NSUN6: variants seen among roughly 807,000 people sequenced by gnomAD.
NSUN6 encodes NOP2/Sun RNA methyltransferase 6.
Under a neutral mutation model 58.0 loss-of-function variants are expected in NSUN6, and 64 were observed. The observed-to-expected ratio is 1.10, with a 90% CI of 0.90 to 1.36. The LOEUF (loss-of-function observed/expected upper bound fraction) is 1.36. Among genes scored for constraint, NSUN6 ranks in the 40% most tolerant of loss-of-function variants. The pLI is 0.00. For missense variants in NSUN6, 701 were observed against 550.1 expected, an observed-to-expected ratio of 1.27 and a Z score of -2.74; for synonymous variants, 231 against 193.9, an observed-to-expected ratio of 1.19 and a Z score of -1.59.
intron 9 of NSUN6, among the ~76,000 whole-genome samples, chr10:18,551,293 G>GTGTGTGTGTGTGTGT (rs1554848038): frequency 3.7e-5 from 2 of 54,008 alleles, no homozygotes; most frequent in African/African-American, 7.7e-5. Context: ...TGTGTGTGTG[G>GTGTGTGTGTGTGTGT]TAAAATATAA....
intron 6 of NSUN6, among the ~76,000 whole-genome samples, chr10:18,597,141 C>A (rs1358219938): frequency 1.3e-5 from 2 of 152,088 alleles, no homozygotes; most frequent in Non-Finnish European, 2.9e-5. Flanking sequence ...GTTATACAAC[C>A]AAAACATACC....
chr10:18,585,753 T>C (rs575325023), intron 8 of NSUN6, among the ~76,000 whole-genome samples, 196 bp downstream of exon 8: 1 of 151,854 alleles, frequency 6.6e-6, no homozygotes, highest in Admixed American at 6.6e-5. Flanking sequence ...ACTATACTAA[T>C]GTATTTTGTG....
At chr10:18,560,240 C>G (rs1179281706) in intron 8 of NSUN6, among the ~76,000 whole-genome samples, 1 of 142,188 alleles carries the variant, frequency 7.0e-6, no homozygotes, top group African/African-American at 2.6e-5. Flanking sequence ...CGGAGAATGG[C>G]AGAGAATGGA....
At chr10:18,594,052 T>C (rs2057483031) in intron 7 of NSUN6, among the ~76,000 whole-genome samples, 1 of 151,512 alleles carries the variant, frequency 6.6e-6, no homozygotes, top group African/African-American at 2.4e-5. Flanking sequence ...ATACAAAAAT[T>C]ATTCGGGTGT....
intron 8 of NSUN6, among the ~76,000 whole-genome samples, chr10:18,554,752 G>T: frequency 6.6e-6 from 1 of 151,414 alleles, no homozygotes; most frequent in East Asian, 2.0e-4. Context: ...ATGGAATGGA[G>T]AATGGAATGT....
chr10:18,600,974 A>ATATT (rs1554870051), intron 6 of NSUN6, among the ~76,000 whole-genome samples: 3 of 98,494 alleles, frequency 3.0e-5, no homozygotes, highest in East Asian at 3.1e-4. Context: ...ATATATATAT[A>ATATT]TATGTATATA....
chr10:18,642,746 G>A (rs2059426049), intron 2 of NSUN6, among the ~76,000 whole-genome samples, 191 bp from the exon 3 acceptor site: 2 of 152,070 alleles, frequency 1.3e-5, no homozygotes, highest in Admixed American at 1.3e-4. Context: ...TTTTAATTCT[G>A]AAGTATCCTA....
chr10:18,637,174 G>T (rs1313002222), intron 3 of NSUN6, among the ~76,000 whole-genome samples: 1 of 151,976 alleles, frequency 6.6e-6, no homozygotes, highest in Admixed American at 6.6e-5. Context: ...TGTTGCTCAG[G>T]CTGGTCTAAA....
intron 4 of NSUN6, among the ~76,000 whole-genome samples, chr10:18,615,413 C>G (rs546055933): frequency 2.6e-5 from 4 of 152,302 alleles, no homozygotes; most frequent in South Asian, 2.1e-4. Context: ...TCATGTAGAT[C>G]AGATGTCAAC....
chr10:18,563,485 T>A (rs2055694764), intron 8 of NSUN6, among the ~76,000 whole-genome samples: 1 of 150,914 alleles, frequency 6.6e-6, no homozygotes, highest in African/African-American at 2.4e-5. Flanking sequence ...GAATGGAGAA[T>A]GGAATAGAAT....
At chr10:18,599,823 C>T (rs1321076048) in intron 6 of NSUN6, among the ~76,000 whole-genome samples, 1 of 152,084 alleles carries the variant, frequency 6.6e-6, no homozygotes, top group Non-Finnish European at 1.5e-5. Context: ...TCCAGTGAAC[C>T]AAGAATATAA....
chr10:18,553,039 C>CT (rs1263390446), intron 8 of NSUN6, among the ~76,000 whole-genome samples: 9 of 150,532 alleles, frequency 6.0e-5, no homozygotes, highest in African/African-American at 2.0e-4. Context: ...CCATTCCCTT[C>CT]TCCATTCCAT....
chr10:18,568,971 C>T (rs1346488273), intron 8 of NSUN6, among the ~76,000 whole-genome samples: 1 of 151,204 alleles, frequency 6.6e-6, no homozygotes, highest in African/African-American at 2.4e-5. Context: ...CATTCTATTC[C>T]ATTCTCCATT....
rs574519078 is a variant in NSUN6, at chr10:18,610,361, C to T, written c.576-435G>A. On this transcript the variant is annotated intron_variant, in intron 5 of 10. Coordinates refer to ENST00000377304, the MANE Select transcript of NSUN6 (RefSeq NM_182543.5). ...GAAACTCCGTCTCAAAAAAAAAGAA[C>T]TCTTTTTATTAAACAACAAAATACA... Among the ~76,000 whole-genome samples, 7 of 152,242 alleles carry T rather than the reference C, an allele frequency of 4.6e-5. No homozygotes were observed. In the South Asian group the frequency reaches 1.5e-3, roughly 32 times the overall value.
chr10:18,625,973 C>T (rs1398441898), intron 3 of NSUN6, among the ~76,000 whole-genome samples: 1 of 151,826 alleles, frequency 6.6e-6, no homozygotes, highest in Non-Finnish European at 1.5e-5. Flanking sequence ...CCTGAAACGA[C>T]CAGACTCAGC....
intron 3 of NSUN6, among the ~76,000 whole-genome samples, chr10:18,623,613 G>T (rs983818314): frequency 1.3e-5 from 2 of 152,186 alleles, no homozygotes; most frequent in African/African-American, 2.4e-5. Flanking sequence ...GGAGACAAGT[G>T]TGAAAGAAGA....
At chr10:18,607,513 T>C (rs998171748) in intron 6 of NSUN6, among the ~76,000 whole-genome samples, 1 of 152,208 alleles carries the variant, frequency 6.6e-6, no homozygotes, top group African/African-American at 2.4e-5. Flanking sequence ...AAGGAAGTTA[T>C]AACACAAAAA....
At chr10:18,575,671 C>A (rs1367964403) in intron 8 of NSUN6, among the ~76,000 whole-genome samples, 1 of 152,104 alleles carries the variant, frequency 6.6e-6, no homozygotes, top group African/African-American at 2.4e-5. Flanking sequence ...CTTAGAGACT[C>A]GATTGCCATG....
chr10:18,656,816 CTTTTTTTT>C (rs59363607), upstream of NSUN6, among the ~76,000 whole-genome samples: 4 of 86,602 alleles, frequency 4.6e-5, no homozygotes, highest in Non-Finnish European at 4.2e-5. Flanking sequence ...AGTTACAATC[CTTTTTTTT>C]TTTTTTTTTT....
Sources: gnomAD v4.1 joint callset for allele counts (sites outside exome capture counted in the v4.1 genomes callset) on GRCh38, gnomAD v4.1.1 for gene constraint, MANE v1.5 for transcripts, NCBI Gene and HGNC (gene_info 2026-07-23, HGNC 2026-07-21) for gene names.